Variants in MAGI1 observed in about 807,000 individuals in gnomAD.
The protein encoded by MAGI1 is membrane-associated guanylate kinase, WW and PDZ domain-containing protein 1.
Under a neutral mutation model 139.9 loss-of-function variants are expected in MAGI1, and 58 were observed. The observed-to-expected ratio is 0.41, with a 90% confidence interval of 0.34 to 0.52. The LOEUF (loss-of-function observed/expected upper bound fraction) is 0.52, where lower values mean the gene tolerates loss of function less well. Ranked by LOEUF, MAGI1 falls within the 20% of genes least tolerant of loss-of-function variation. The pLI, the probability that MAGI1 is intolerant of heterozygous loss-of-function variation, is 0.12. For synonymous variants in MAGI1, 812 were observed against 737.9 expected (o/e 1.10, Z -1.63); for missense variants, 1,874 against 1,901.6 (o/e 0.99, Z 0.27).
intron 1 of MAGI1, among the ~76,000 whole-genome samples, chr3:65,909,154 A>G (rs905811485): frequency 6.6e-6 from 1 of 152,136 alleles, no homozygotes. Flanking sequence ...GTACTCAAGT[A>G]TATAAATTTT....
intron 2 of MAGI1, among the ~76,000 whole-genome samples, chr3:65,504,364 A>G (rs1179205168): frequency 6.6e-6 from 1 of 152,360 alleles, no homozygotes; most frequent in South Asian, 2.1e-4. Context: ...CTTTATATGC[A>G]TTATCTCATT....
At chr3:66,011,905 G>C (rs1238545323) in intron 1 of MAGI1, among the ~76,000 whole-genome samples, 1 of 151,744 alleles carries the variant, frequency 6.6e-6, no homozygotes, top group East Asian at 1.9e-4. Flanking sequence ...AAGTTATTTG[G>C]ATTGTCCTTT....
rs1208723396 is a variant in MAGI1, at chr3:65,622,141, AAAG to A, written c.314-56_314-54del. On this transcript the variant is annotated intron_variant, in intron 1 of 22. Transcript: ENST00000402939. ...CCACATCAACACAGGGCCTCCTAGA[AAAG>A]AAGTAGCCAAGAACTGATTGCAAGA... 3.1e-6 allele frequency: 4 copies of A among 1,276,166 alleles called. No individual in the cohort carries two copies. In the African/African-American group the frequency reaches 5.9e-5, roughly 19 times the overall value. 79.1% of individuals were successfully genotyped at this position (1,276,166 alleles called of 1,614,324 possible).
intron 7 of MAGI1, among the ~76,000 whole-genome samples, chr3:65,443,929 G>A (rs984499727): frequency 1.3e-5 from 2 of 152,094 alleles, no homozygotes; most frequent in Non-Finnish European, 2.9e-5. Context: ...ATGTCATCAG[G>A]GCAGAAGGCT....
chr3:65,399,387 T>G (rs1465278285), intron 13 of MAGI1, among the ~76,000 whole-genome samples: 2 of 152,182 alleles, frequency 1.3e-5, no homozygotes, highest in African/African-American at 4.8e-5. Context: ...TGTACAGAAC[T>G]CTCACTGATC....
chr3:65,401,131 C>T (rs1476058248), intron 13 of MAGI1, among the ~76,000 whole-genome samples: 2 of 152,040 alleles, frequency 1.3e-5, no homozygotes, highest in African/African-American at 2.4e-5. Flanking sequence ...CAAGTGAAAA[C>T]GGCTAAGAAA....
At chr3:65,934,832 T>C (rs1439301385) in intron 1 of MAGI1, among the ~76,000 whole-genome samples, 2 of 151,936 alleles carry the variant, frequency 1.3e-5, no homozygotes, top group African/African-American at 4.8e-5. Context: ...TGAAATCCTC[T>C]TGTGAGCAAA....
chr3:65,873,634 G>A (rs752539031), intron 1 of MAGI1: 3 of 152,192 alleles, frequency 2.0e-5, no homozygotes, highest in African/African-American at 4.8e-5. Flanking sequence ...TGGGAGAGAA[G>A]GACAGCATGT....
chr3:65,766,876 G>T (rs568924113), intron 1 of MAGI1, among the ~76,000 whole-genome samples: 1 of 152,148 alleles, frequency 6.6e-6, no homozygotes, highest in South Asian at 2.1e-4. Flanking sequence ...GTGACAGAGC[G>T]AGACTCCATC....
intron 1 of MAGI1, among the ~76,000 whole-genome samples, chr3:65,751,610 G>A (rs1197661254): frequency 6.6e-6 from 1 of 152,216 alleles, no homozygotes; most frequent in Non-Finnish European, 1.5e-5. Context: ...AGGAAAGAGA[G>A]AGATGACAAA....
chr3:65,783,541 T>C (rs867176612), intron 1 of MAGI1, among the ~76,000 whole-genome samples: 1 of 152,106 alleles, frequency 6.6e-6, no homozygotes, highest in Admixed American at 6.5e-5. Context: ...CCACCCAGGC[T>C]GGAGTGCAGT....
chr3:65,805,128 A>C (rs2108156406), intron 1 of MAGI1, among the ~76,000 whole-genome samples: 3 of 152,330 alleles, frequency 2.0e-5, no homozygotes, highest in Admixed American at 2.0e-4. Context: ...CAACAAAAGA[A>C]ACTATCATCA....
chr3:65,356,353 A>C lies in MAGI1; in HGVS notation c.*25T>G. 1 of 1,534,772 alleles carries C rather than the reference A, an allele frequency of 6.5e-7. No individual in the cohort carries two copies. The highest frequency in any genetic ancestry group is 1.4e-5 in the African/African-American group (1 of 71,914). ...TTCCTCTTAGAACCTTTGACACGGT[A>C]AAGGTTGGAATGTGACTCAGCGTCT... On this transcript the variant is annotated 3_prime_UTR_variant, in exon 23 of 23. Transcript: ENST00000402939.
chr3:65,636,777 T>C (rs1179764470), intron 1 of MAGI1, among the ~76,000 whole-genome samples: 3 of 151,852 alleles, frequency 2.0e-5, no homozygotes, highest in Non-Finnish European at 2.9e-5. Context: ...ATTTAACATA[T>C]CCAGAGAAAG....
chr3:65,429,441 T>C, intron 12 of MAGI1, 79 bp downstream of exon 12: 1 of 1,389,370 alleles, frequency 7.2e-7, no homozygotes, highest in East Asian at 2.3e-5. Flanking sequence ...AAGCCCCCAG[T>C]GGTCATCTGA....
intron 1 of MAGI1, among the ~76,000 whole-genome samples, chr3:65,967,386 AT>A (rs1484363892): frequency 6.6e-6 from 1 of 152,116 alleles, no homozygotes. Context: ...CTCCTCAAAG[AT>A]GGAAGCGTAC....
intron 1 of MAGI1, among the ~76,000 whole-genome samples, chr3:65,656,776 T>A (rs940705334): frequency 1.3e-4 from 20 of 151,850 alleles, no homozygotes; most frequent in Non-Finnish European, 2.1e-4. Flanking sequence ...AGTGGGCAGA[T>A]CATTTGAGGT....
At chr3:65,538,847 A>G (rs2079075611) in intron 2 of MAGI1, among the ~76,000 whole-genome samples, 1 of 152,180 alleles carries the variant, frequency 6.6e-6, no homozygotes, top group African/African-American at 2.4e-5. Context: ...CAAACCAACT[A>G]CCAACAAACA....
At chr3:65,704,003 AC>A (rs756674713) in intron 1 of MAGI1, among the ~76,000 whole-genome samples, 10 of 152,178 alleles carry the variant, frequency 6.6e-5, no homozygotes, top group East Asian at 1.9e-4. Flanking sequence ...AATCTGAACA[AC>A]CCTTTTTATT....
Sources: gnomAD v4.1 joint callset for allele counts (sites outside exome capture counted in the v4.1 genomes callset) on GRCh38, gnomAD v4.1.1 for gene constraint, MANE v1.5 for transcripts, NCBI Gene and HGNC (gene_info 2026-07-23, HGNC 2026-07-21) for gene names.